The following UPRT variants were observed in gnomAD, a reference collection of about 807,000 sequenced individuals.
UPRT encodes the protein RP11-311P8.3.
A neutral mutation model predicts 22.6 loss-of-function variants in UPRT; 5 were observed. The ratio of observed to expected loss-of-function variants is 0.22; its 90% CI spans 0.12 to 0.47. The LOEUF (loss-of-function observed/expected upper bound fraction) is 0.47, where lower values mean the gene tolerates loss of function less well. Ranked by LOEUF, UPRT falls within the 20% of genes least tolerant of loss-of-function variation. The probability of loss-of-function intolerance (pLI) is 0.99; values close to 1 mark genes in which losing one functional copy is unlikely to be tolerated. For missense variants in UPRT, 181 were observed against 239.9 expected (o/e 0.75, Z 1.62); for synonymous variants, 77 against 87.7 (o/e 0.88, Z 0.68).
chrX:75,221,838 G>A (rs1475415073), intron 4 of UPRT, among the ~76,000 whole-genome samples: 1 of 111,522 alleles, frequency 9.0e-6, no homozygotes, highest in Non-Finnish European at 1.9e-5. Context: ...TAATTCATTT[G>A]GTGAGGTCAT....
At chrX:75,170,649 T>A (rs1254199320) in intron 4 of UPRT, among the ~76,000 whole-genome samples, 3 of 111,752 alleles carry the variant, frequency 2.7e-5, no homozygotes, top group African/African-American at 6.5e-5. Flanking sequence ...TTGTTTTTTT[T>A]ATTGTGTTAT....
In UPRT at chrX:75,233,303, C is replaced by T. The variant is rs185997654; in HGVS notation, c.-446-57721C>T. Among the ~76,000 whole-genome samples the T allele has an allele frequency of 3.6e-3, 395 of 111,055 alleles. 1 individual carries two copies. Among genetic ancestry groups the T allele is most frequent in the African/African-American group, 0.012 (369 of 30,582 alleles). ...AGACTATGTGAAAAGACCAAATCTA[C>T]GTCTGATTGGTGTACCTGAAAGTGA... is the stretch of plus-strand genomic sequence containing the variant. On this transcript the variant is annotated intron_variant, in intron 4 of 13. Transcript: ENST00000652605.
intron 2 of UPRT, among the ~76,000 whole-genome samples, chrX:75,294,897 C>T (rs1279479469): frequency 9.0e-6 from 1 of 111,249 alleles, no homozygotes; most frequent in Non-Finnish European, 1.9e-5. Flanking sequence ...GTTAAGTTCA[C>T]GGTTATTGTA....
chrX:75,188,223 GT>G (rs2082301701), intron 4 of UPRT, among the ~76,000 whole-genome samples: 1 of 111,764 alleles, frequency 8.9e-6, no homozygotes, highest in Admixed American at 9.5e-5. Context: ...CTTTCCGTTT[GT>G]CAATTTTCCT....
chrX:75,195,652 T>C (rs1304364791), intron 4 of UPRT, among the ~76,000 whole-genome samples: 1 of 111,972 alleles, frequency 8.9e-6, no homozygotes, highest in Non-Finnish European at 1.9e-5. Context: ...CCTTGCCTGC[T>C]CAATTCACCC....
intron 1 of UPRT, among the ~76,000 whole-genome samples, chrX:75,288,229 T>C (rs1473174713): frequency 9.0e-6 from 1 of 111,353 alleles, no homozygotes; most frequent in Non-Finnish European, 1.9e-5. Flanking sequence ...AGAGTCACAA[T>C]TGAATTCTAC....
At chrX:75,180,690 TTTTTG>T (rs1441963832) in intron 4 of UPRT, among the ~76,000 whole-genome samples, 7 of 79,258 alleles carry the variant, frequency 8.8e-5, no homozygotes, top group African/African-American at 2.3e-4. Flanking sequence ...TGTTTTTTTT[TTTTTG>T]TTTTTTTTTT....
At chrX:75,239,676 T>C (rs1483055876) in intron 4 of UPRT, among the ~76,000 whole-genome samples, 1 of 111,407 alleles carries the variant, frequency 9.0e-6, no homozygotes, top group Non-Finnish European at 1.9e-5. Flanking sequence ...AATATCCTGA[T>C]GAACATAGAT....
At chrX:75,293,923 A>G (rs1164336393) in intron 2 of UPRT, among the ~76,000 whole-genome samples, 1 of 111,392 alleles carries the variant, frequency 9.0e-6, no homozygotes, top group Admixed American at 9.6e-5. Context: ...CGGCGGCAGC[A>G]GGGGGAGGCT....
intron 6 of UPRT, among the ~76,000 whole-genome samples, chrX:75,302,057 T>C (rs1166741707): frequency 1.8e-5 from 2 of 111,914 alleles, no homozygotes; most frequent in Non-Finnish European, 3.8e-5. Context: ...ATATGGCTTC[T>C]CTAGTCAGGT....
intron 2 of UPRT, among the ~76,000 whole-genome samples, chrX:75,161,495 C>A (rs1403560792): frequency 8.9e-6 from 1 of 112,617 alleles, no homozygotes; most frequent in Admixed American, 9.4e-5. Context: ...GAAAAAAAAT[C>A]TTTTACAAAT....
intron 1 of UPRT, among the ~76,000 whole-genome samples, chrX:75,286,308 G>GGC (rs199772138): frequency 1.4e-5 from 1 of 73,471 alleles, no homozygotes; most frequent in Non-Finnish European, 2.8e-5. Context: ...AATTTACTTG[G>GGC]GGGGGGGGTG....
Position 75,288,446 on chromosome X carries a change from G to A in UPRT, c.387-5026G>A, listed in dbSNP as rs778850771. The stretch of plus-strand genomic sequence containing the variant: ...CAAAAGTCCTCAACAAAATACTAGC[G>A]AAACAAATTCAACAGCACATCAAAA... On this transcript the variant is annotated intron_variant, in intron 1 of 6. Transcript: ENST00000373383. 5.4e-5 allele frequency among the ~76,000 whole-genome samples: 6 copies of A among 111,890 alleles called. No homozygotes were observed. The East Asian group carries it at 1.7e-3, about 31-fold the overall frequency.
At chrX:75,183,474 A>C (rs2082278317) in intron 4 of UPRT, among the ~76,000 whole-genome samples, 1 of 112,184 alleles carries the variant, frequency 8.9e-6, no homozygotes, top group Non-Finnish European at 1.9e-5. Context: ...ATAGTGCCGC[A>C]GTAAACATAT....
At chrX:75,184,146 T>C (rs887677845) in intron 4 of UPRT, among the ~76,000 whole-genome samples, 1 of 111,444 alleles carries the variant, frequency 9.0e-6, no homozygotes, top group African/African-American at 3.2e-5. Context: ...CTAGGGTTTT[T>C]ATGGTTTTAG....
intron 1 of UPRT, among the ~76,000 whole-genome samples, chrX:75,284,377 T>A (rs1433639268): frequency 8.9e-6 from 1 of 111,745 alleles, no homozygotes; most frequent in African/African-American, 3.3e-5. Flanking sequence ...AGCCTTGTTA[T>A]GTAATATTAC....
intron 4 of UPRT, among the ~76,000 whole-genome samples, chrX:75,265,805 G>A (rs901325790): frequency 8.2e-4 from 91 of 110,843 alleles, no homozygotes; most frequent in African/African-American, 2.8e-3. Flanking sequence ...CCATCTTTGT[G>A]GTTTTATCTA....
At chrX:75,253,181 TA>T (rs1265106516) in intron 4 of UPRT, among the ~76,000 whole-genome samples, 1 of 111,316 alleles carries the variant, frequency 9.0e-6, no homozygotes, top group Non-Finnish European at 1.9e-5. Flanking sequence ...CCCTAATACT[TA>T]AAGTATAATA....
chrX:75,261,506 T>C (rs2082567715), intron 4 of UPRT, among the ~76,000 whole-genome samples: 2 of 111,794 alleles, frequency 1.8e-5, no homozygotes, highest in South Asian at 7.5e-4. Flanking sequence ...TAACACGCTC[T>C]GAAATTGAAG....
Sources: gnomAD v4.1 joint callset for allele counts (sites outside exome capture counted in the v4.1 genomes callset) on GRCh38, gnomAD v4.1.1 for gene constraint, MANE v1.5 for transcripts, NCBI Gene and HGNC (gene_info 2026-07-23, HGNC 2026-07-21) for gene names.